Variants in MYRFL observed in about 807,000 individuals in gnomAD.
The protein encoded by MYRFL is myelin regulatory factor like.
Under a neutral mutation model 109.4 loss-of-function variants are expected in MYRFL, and 88 were observed. The ratio of observed to expected loss-of-function variants is 0.80; its 90% CI spans 0.68 to 0.96. The LOEUF (loss-of-function observed/expected upper bound fraction) is 0.96. MYRFL is among the 40% of genes least tolerant of loss of function. MYRFL has a pLI of 0.00. For synonymous variants in MYRFL, 324 were observed against 320.9 expected, an observed-to-expected ratio of 1.01 and a Z score of -0.10; for missense variants, 957 against 954.9, an observed-to-expected ratio of 1.00 and a Z score of -0.03.
At chr12:69,887,613 C>A (rs1886539210) in intron 6 of MYRFL, among the ~76,000 whole-genome samples, 1 of 152,162 alleles carries the variant, frequency 6.6e-6, no homozygotes, top group African/African-American at 2.4e-5. Context: ...ATGTAATTTA[C>A]CTACTTAAGC....
At chr12:69,838,069 C>A (rs1883052265) in intron 1 of MYRFL, among the ~76,000 whole-genome samples, 1 of 152,186 alleles carries the variant, frequency 6.6e-6, no homozygotes, top group East Asian at 1.9e-4. Flanking sequence ...GGCCCTCAGA[C>A]AGTGCTCTAT....
intron 5 of MYRFL, among the ~76,000 whole-genome samples, chr12:69,885,345 A>C (rs1279072575): frequency 6.6e-6 from 1 of 152,172 alleles, no homozygotes; most frequent in East Asian, 1.9e-4. Context: ...TGGTATGAAA[A>C]GCAACTTGAA....
rs776949811 is a variant in MYRFL at position 69,880,256 on chromosome 12, G to A, written c.520G>A (p.Gly174Arg). Reference sequence around the variant, plus strand: ...GTGCACGCAGGCACTGGAGGACTCCGGGGAATGCCGAGTGTGGGCCTGCCA... The same window carrying A: ...GTGCACGCAGGCACTGGAGGACTCCAGGGAATGCCGAGTGTGGGCCTGCCA... ...RKCTQALEDS[G>R]ECRVWACHCR... The change falls in exon 5 of 25, where the codon GGG (glycine) becomes AGG (arginine). Residue 174 changes from glycine to arginine, a missense_variant. By Grantham distance (125) the Gly-to-Arg change is moderately radical. Transcript: ENST00000552032. 4 of 702,552 alleles carry A rather than the reference G, an allele frequency of 5.7e-6. No homozygotes were observed. Among genetic ancestry groups the A allele is most frequent in the Admixed American group, 4.0e-5 (2 of 49,986 alleles). 43.5% of individuals were successfully genotyped at this position (702,552 alleles called of 1,614,324 possible).
intron 1 of MYRFL, among the ~76,000 whole-genome samples, chr12:69,832,524 A>T (rs1882692231): frequency 6.6e-6 from 1 of 152,164 alleles, no homozygotes; most frequent in Non-Finnish European, 1.5e-5. Flanking sequence ...ATGAAGAGAG[A>T]GTTACTTGAG....
intron 2 of MYRFL, among the ~76,000 whole-genome samples, chr12:69,856,387 A>G (rs1359431898): frequency 6.6e-6 from 1 of 152,080 alleles, no homozygotes; most frequent in African/African-American, 2.4e-5. Flanking sequence ...TTTTTGTGTG[A>G]TCAATAGTTT....
chr12:69,947,388 G>A (rs1955864701), intron 19 of MYRFL, among the ~76,000 whole-genome samples: 1 of 152,052 alleles, frequency 6.6e-6, no homozygotes, highest in Non-Finnish European at 1.5e-5. Flanking sequence ...GGCCAAAGTT[G>A]ATCATATCTG....
chr12:69,858,317 T>C (rs1319855992), intron 2 of MYRFL, among the ~76,000 whole-genome samples: 1 of 151,938 alleles, frequency 6.6e-6, no homozygotes, highest in African/African-American at 2.4e-5. Context: ...TTTGTTTTTT[T>C]ATATTTTATT....
At chr12:69,887,044 G>A in intron 6 of MYRFL, 74 bp downstream of exon 6, 1 of 1,471,228 alleles carries the variant, frequency 6.8e-7, no homozygotes, top group South Asian at 1.3e-5. Context: ...TTCAAGCACT[G>A]GAGCTTTGAT....
chr12:69,894,967 T>C (rs781032518), intron 8 of MYRFL, among the ~76,000 whole-genome samples: 1 of 152,220 alleles, frequency 6.6e-6, no homozygotes, highest in African/African-American at 2.4e-5. Context: ...GAGGCAAATA[T>C]GTGAAGGGGA....
Position 69,951,790 on chromosome 12 carries a change from A to AT in MYRFL, c.2225-318dup, listed in dbSNP as rs1955983113. The stretch of plus-strand genomic sequence containing the variant: ...GTATTAGAACCCACCCTGACAGCCT[A>AT]TTTTTAACTTAATCACTGCTTTAAA... On this transcript the variant is annotated intron_variant, in intron 19 of 24. Coordinates refer to ENST00000552032, the MANE Select transcript of MYRFL (RefSeq NM_182530.3). Among the ~76,000 whole-genome samples the AT allele has an allele frequency of 1.3e-5, 2 of 152,096 alleles. 1 individual carries two copies. The highest frequency in any genetic ancestry group is 2.9e-5 in the Non-Finnish European group (2 of 68,008).
At chr12:69,879,909 C>G (rs1885954752) in intron 4 of MYRFL, among the ~76,000 whole-genome samples, 1 of 152,128 alleles carries the variant, frequency 6.6e-6, no homozygotes, top group East Asian at 1.9e-4. Flanking sequence ...TGGTAAAACT[C>G]CACATGAAAA....
At chr12:69,888,592 T>C (rs1353191948) in intron 6 of MYRFL, among the ~76,000 whole-genome samples, 2 of 152,202 alleles carry the variant, frequency 1.3e-5, no homozygotes, top group African/African-American at 2.4e-5. Context: ...GAGATTGGTG[T>C]TTAAGGTTCA....
At chr12:69,944,797 C>T (rs1016500829) in intron 19 of MYRFL, among the ~76,000 whole-genome samples, 10 of 152,118 alleles carry the variant, frequency 6.6e-5, no homozygotes, top group African/African-American at 2.4e-4. Flanking sequence ...TTGATGGGTG[C>T]AGCAAACCAC....
Position 69,926,630 on chromosome 12 carries a change from C to A in MYRFL, c.1662C>A (p.Asn554Lys). ...AGCAACTGTGCAAACTAACTAACAA[C>A]CTTGAGGAAAGAATAGAAGAGTTAG... Reference protein sequence around the residue: ...AVKQLCKLTNNLEERIEELEI... With the variant: ...AVKQLCKLTNKLEERIEELEI... The change falls in exon 14 of 25, where the codon AAC (asparagine) becomes AAA (lysine). Residue 554 changes from asparagine to lysine, a missense_variant. Physicochemically the swap from Asn to Lys is moderately conservative, Grantham distance 94. Coordinates refer to ENST00000552032, the MANE Select transcript of MYRFL (RefSeq NM_182530.3). 6.5e-7 allele frequency: 1 copy of A among 1,528,452 alleles called. No homozygotes were observed. The highest frequency in any genetic ancestry group is 1.4e-5 in the African/African-American group (1 of 72,890). The allele number at this position is 1,528,452 out of a possible 1,614,324, so 94.7% of individuals were successfully genotyped here. A position where few individuals can be genotyped will look rare whatever the true frequency, so the allele number is the denominator to read the frequency against.
chr12:69,956,883 G>A (rs1301626934), intron 22 of MYRFL, among the ~76,000 whole-genome samples: 2 of 152,102 alleles, frequency 1.3e-5, no homozygotes, highest in African/African-American at 4.8e-5. Flanking sequence ...CACTCCTTGA[G>A]TAACCTGGAA....
chr12:69,829,895 C>T (rs1175675110), intron 1 of MYRFL, among the ~76,000 whole-genome samples: 1 of 152,020 alleles, frequency 6.6e-6, no homozygotes, highest in East Asian at 1.9e-4. Flanking sequence ...CAGAACCTGC[C>T]CAGTGCTGGC....
rs571822330 is a variant in MYRFL, at chr12:69,953,336, A to G, written c.2375+450A>G. On this transcript the variant is annotated intron_variant, in intron 21 of 24. Coordinates refer to ENST00000552032, the MANE Select transcript of MYRFL (RefSeq NM_182530.3). ...AACTTAGCTTTTCAGATAGGAGGAAAAAATCAGATATGGCAAAAGTTATCG... is the reference window on the plus strand; with the variant it reads ...AACTTAGCTTTTCAGATAGGAGGAAGAAATCAGATATGGCAAAAGTTATCG... Among the ~76,000 whole-genome samples the G allele has an allele frequency of 4.0e-4, 61 of 152,354 alleles. No homozygotes were observed. The South Asian group carries it at 0.012, about 30-fold the overall frequency.
At chr12:69,947,543 G>T (rs1012524196) in intron 19 of MYRFL, among the ~76,000 whole-genome samples, 5 of 152,158 alleles carry the variant, frequency 3.3e-5, no homozygotes, top group African/African-American at 1.2e-4. Flanking sequence ...TGATGAATTA[G>T]ATTTTAATCC....
intron 5 of MYRFL, among the ~76,000 whole-genome samples, chr12:69,881,346 T>G (rs904849901): frequency 2.0e-5 from 3 of 152,188 alleles, no homozygotes; most frequent in Non-Finnish European, 4.4e-5. Flanking sequence ...AAGTCCCATT[T>G]CTTCTATCCC....
Sources: allele counts gnomAD v4.1 joint callset (sites outside exome capture counted in the v4.1 genomes callset), GRCh38; gene constraint gnomAD v4.1.1; transcripts MANE v1.5; gene names NCBI Gene and HGNC (gene_info 2026-07-23, HGNC 2026-07-21).